The following PLEKHG1 variants were observed in gnomAD, a reference collection of about 807,000 sequenced individuals.
The protein encoded by PLEKHG1 is pleckstrin homology and RhoGEF domain containing G1.
PLEKHG1 carries 44 observed loss-of-function variants against 100.8 expected under a neutral mutation model. The observed-to-expected ratio is 0.44, with a 90% CI of 0.34 to 0.56. PLEKHG1 has a LOEUF of 0.56. Ranked by LOEUF, PLEKHG1 falls within the 20% of genes least tolerant of loss-of-function variation. The probability of loss-of-function intolerance (pLI) is 0.01; values close to 1 mark genes in which losing one functional copy is unlikely to be tolerated. For synonymous variants in PLEKHG1, 640 were observed against 662.5 expected (o/e 0.97, Z 0.52); for missense variants, 1,545 against 1,720.9 (o/e 0.90, Z 1.81).
rs769934522 is a variant in PLEKHG1, at chr6:150,840,337, G to C, written c.3599G>C (p.Ser1200Thr). ...TCAATGGATTCCATCAACTACCCTA[G>C]TGATGTGGGAAAGCAGCAGCTGCTG... The change falls in exon 16 of 16, where the codon AGT becomes ACT. Residue 1200 changes from serine to threonine, a missense_variant. Coordinates refer to ENST00000358517, the Ensembl canonical transcript of PLEKHG1. 8 of 1,614,094 alleles carry C rather than the reference G, an allele frequency of 5.0e-6. No homozygotes were observed. In the South Asian group the frequency reaches 7.7e-5, roughly 16 times the overall value.
At chr6:150,722,541 A>G (rs1307716548) in intron 1 of PLEKHG1, among the ~76,000 whole-genome samples, 2 of 151,450 alleles carry the variant, frequency 1.3e-5, no homozygotes, top group Non-Finnish European at 2.9e-5. Context: ...TTTAGTAGAG[A>G]CAGGGTTTCA....
chr6:150,711,195 G>T (rs995143985), intron 3 of PLEKHG1, among the ~76,000 whole-genome samples: 2 of 152,108 alleles, frequency 1.3e-5, no homozygotes, highest in African/African-American at 4.8e-5. Flanking sequence ...GTATGTTCTT[G>T]ACATACAAGG....
Position 150,804,193 on chromosome 6 carries a change from TTTTTTTTTTTC to T in PLEKHG1, c.781-416_781-406del, listed in dbSNP as rs1247378082. ...TATATATATTTTTTTTTTTTTTTTT[TTTTTTTTTTTC>T]GAGGCAGAGTCTCACTCTGTCAGCC... On this transcript the variant is annotated intron_variant, in intron 6 of 15. Coordinates refer to ENST00000358517, the Ensembl canonical transcript of PLEKHG1. Among the ~76,000 whole-genome samples, 395 of 85,932 alleles carry T rather than the reference TTTTTTTTTTTC, an allele frequency of 4.6e-3. 5 individuals are homozygous for T. The highest frequency in any genetic ancestry group is 8.3e-3 in the East Asian group (18 of 2,162). The allele number at this position is 85,932 out of a possible 152,430, so 56.4% of individuals were successfully genotyped here. A position where few individuals can be genotyped will look rare whatever the true frequency, so the allele number is the denominator to read the frequency against.
At chr6:150,707,976 C>G (rs531754787) in intron 3 of PLEKHG1, among the ~76,000 whole-genome samples, 19 of 152,262 alleles carry the variant, frequency 1.2e-4, no homozygotes, top group African/African-American at 4.6e-4. Context: ...TCCAGGGACC[C>G]CTGCCCCGGA....
At chr6:150,832,256 T>C in intron 15 of PLEKHG1, 51 bp downstream of exon 16, 1 of 1,447,962 alleles carries the variant, frequency 6.9e-7, no homozygotes. Context: ...GGGAGAGCGG[T>C]TTTCAGATTT....
At chr6:150,711,671 C>G (rs1467147224) in intron 3 of PLEKHG1, among the ~76,000 whole-genome samples, 3 of 152,102 alleles carry the variant, frequency 2.0e-5, no homozygotes, top group African/African-American at 7.2e-5. Flanking sequence ...TGCAGCTCCC[C>G]CTAGAAAATA....
At chr6:150,690,509 T>C (rs112382638) in intron 3 of PLEKHG1, among the ~76,000 whole-genome samples, 2 of 152,152 alleles carry the variant, frequency 1.3e-5, no homozygotes, top group African/African-American at 4.8e-5. Context: ...CCTCCAAATA[T>C]CAAATGTAAC....
chr6:150,709,059 C>T lies in PLEKHG1; in HGVS notation c.-98-24525C>T, dbSNP rs548057589. On this transcript the variant is annotated intron_variant, in intron 3 of 3. Coordinates refer to the PLEKHG1 transcript ENST00000367326. ...CCACAGAAGGAATTACAGGGCTGGG[C>T]GCGGTGGCTCATGCCTGTAATCCCA... Among the ~76,000 whole-genome samples the T allele has an allele frequency of 3.3e-5, 5 of 152,280 alleles. No individual in the cohort carries two copies. In the East Asian group the frequency reaches 5.8e-4, roughly 18 times the overall value.
intron 2 of PLEKHG1, among the ~76,000 whole-genome samples, chr6:150,758,681 G>A (rs1003171988): frequency 6.6e-6 from 1 of 152,196 alleles, no homozygotes; most frequent in Admixed American, 6.5e-5. Flanking sequence ...GCATGAGATG[G>A]TATCTTATTG....
At chr6:150,762,522 C>G (rs1784218288) in intron 2 of PLEKHG1, among the ~76,000 whole-genome samples, 1 of 151,976 alleles carries the variant, frequency 6.6e-6, no homozygotes, top group African/African-American at 2.4e-5. Context: ...TTCTTTCTTC[C>G]CTTTCTTCTC....
intron 10 of PLEKHG1, among the ~76,000 whole-genome samples, chr6:150,812,879 A>C (rs1583180793): frequency 1.3e-5 from 2 of 152,114 alleles, no homozygotes; most frequent in South Asian, 2.1e-4. Context: ...AAAAAGATGA[A>C]AGACAGAGGA....
chr6:150,758,656 C>T (rs893611598), intron 2 of PLEKHG1, among the ~76,000 whole-genome samples: 2 of 152,192 alleles, frequency 1.3e-5, no homozygotes, highest in African/African-American at 4.8e-5. Flanking sequence ...TTTTAACAAT[C>T]GTCATTCTGA....
chr6:150,755,275 C>T (rs184237067), intron 2 of PLEKHG1, among the ~76,000 whole-genome samples: 2 of 152,292 alleles, frequency 1.3e-5, no homozygotes, highest in African/African-American at 4.8e-5. Context: ...CGCGCCTGGC[C>T]GGCATCCAGG....
At chr6:150,736,539 C>T (rs1360012196) in intron 2 of PLEKHG1, among the ~76,000 whole-genome samples, 8 of 152,120 alleles carry the variant, frequency 5.3e-5, no homozygotes, top group African/African-American at 9.7e-5. Context: ...GAGGCCGAGG[C>T]GGGCGGATCA....
chr6:150,840,871 G>A, exon 16 of PLEKHG1: 2 of 1,611,700 alleles, frequency 1.2e-6, no homozygotes, highest in South Asian at 1.1e-5. Flanking sequence ...AAATTTCAGT[G>A]TCTCAGTTCA....
intron 3 of PLEKHG1, among the ~76,000 whole-genome samples, chr6:150,685,145 T>C (rs1780074817): frequency 6.6e-6 from 1 of 152,048 alleles, no homozygotes; most frequent in Non-Finnish European, 1.5e-5. Flanking sequence ...TCAAGATCTC[T>C]CCTTAACCCC....
intron 3 of PLEKHG1, among the ~76,000 whole-genome samples, chr6:150,676,846 A>G (rs1779771889): frequency 6.6e-6 from 1 of 152,144 alleles, no homozygotes; most frequent in African/African-American, 2.4e-5. Context: ...TTCTATGCAT[A>G]CCCTGGGAGT....
chr6:150,730,233 G>A (rs1782172729), intron 1 of PLEKHG1, among the ~76,000 whole-genome samples: 1 of 150,240 alleles, frequency 6.7e-6, no homozygotes, highest in Admixed American at 6.7e-5. Flanking sequence ...TCTGTAGGGG[G>A]TAGACCTTTC....
At chr6:150,777,333 A>C (rs1026851131) in intron 3 of PLEKHG1, among the ~76,000 whole-genome samples, 1 of 148,320 alleles carries the variant, frequency 6.7e-6, no homozygotes, top group Non-Finnish European at 1.5e-5. Flanking sequence ...CACATTACTC[A>C]CACTGATGCA....
Sources: allele counts gnomAD v4.1 joint callset (sites outside exome capture counted in the v4.1 genomes callset), GRCh38; gene constraint gnomAD v4.1.1; transcripts MANE v1.5; gene names NCBI Gene and HGNC (gene_info 2026-07-23, HGNC 2026-07-21).